COL27A1: variants seen among roughly 807,000 people sequenced by gnomAD.
The protein encoded by COL27A1 is collagen alpha-1(XXVII) chain.
COL27A1 carries 106 observed loss-of-function variants against 251.3 expected under a neutral mutation model. That is an observed-to-expected ratio of 0.42 (90% CI 0.36 to 0.50). The LOEUF is 0.50. Among genes scored for constraint, COL27A1 ranks in the 20% least tolerant of loss-of-function variants. COL27A1 has a pLI of 0.00. For synonymous variants in COL27A1, 1,000 were observed against 986.3 expected (o/e 1.01, Z -0.26); for missense variants, 2,325 against 2,522.8 (o/e 0.92, Z 1.68).
chr9:114,181,647 G>A (rs373005386), intron 4 of COL27A1, among the ~76,000 whole-genome samples: 27 of 152,244 alleles, frequency 1.8e-4, no homozygotes, highest in Middle Eastern at 6.8e-3. Flanking sequence ...AGTATTCCCC[G>A]GCTCTTAGGG....
At chr9:114,205,873 C>T (rs893261837) in intron 9 of COL27A1, 61 bp downstream of exon 9, 3 of 1,486,972 alleles carry the variant, frequency 2.0e-6, no homozygotes, top group African/African-American at 2.8e-5. Flanking sequence ...GCCACAGGTG[C>T]CCCGAGGCAG....
intron 14 of COL27A1, among the ~76,000 whole-genome samples, chr9:114,230,397 GCCA>G (rs1202765724): frequency 1.3e-5 from 2 of 152,130 alleles, no homozygotes; most frequent in East Asian, 3.9e-4. Flanking sequence ...ACAGCACTCA[GCCA>G]GGCTGAGCTG....
intron 3 of COL27A1, among the ~76,000 whole-genome samples, chr9:114,174,923 A>G (rs185115450): frequency 6.9e-6 from 1 of 144,758 alleles, no homozygotes; most frequent in East Asian, 2.1e-4. Context: ...CAGGTTACAG[A>G]CACAGAGTCG....
chr9:114,182,319 T>C (rs1383325716), intron 4 of COL27A1, among the ~76,000 whole-genome samples: 1 of 151,238 alleles, frequency 6.6e-6, no homozygotes. Flanking sequence ...GAGGCTGCAG[T>C]GAGCCATGAT....
In COL27A1 at chr9:114,310,629, C is replaced by T. The variant is rs144613533; in HGVS notation, c.5517C>T (p.Asp1839=). 111 of 1,614,204 alleles carry T rather than the reference C, an allele frequency of 6.9e-5. 2 individuals are homozygous for T. The East Asian group carries it at 2.1e-3, about 31-fold the overall frequency. ...AACAGCTGCCCATCATCAGTGTGGA[C>T]AACCTCCCTCCTGCCTCATCAGGGA... The part of the protein sequence containing the change: ...DPQQLPIISV[D]NLPPASSGKQ... The change falls in exon 61 of 61, where the codon GAC becomes GAT. Residue 1839 remains aspartate (D), a synonymous_variant. Coordinates refer to ENST00000356083, the MANE Select transcript of COL27A1 (RefSeq NM_032888.4).
At chr9:114,243,662 G>C in intron 23 of COL27A1, 102 bp downstream of exon 23, 1 of 987,572 alleles carries the variant, frequency 1.0e-6, no homozygotes, top group Non-Finnish European at 1.5e-6. Flanking sequence ...TGTGAAAAGG[G>C]AGAAAAAAAT....
At chr9:114,227,312 T>G (rs1308498854) in intron 14 of COL27A1, among the ~76,000 whole-genome samples, 1 of 6,342 alleles carries the variant, frequency 1.6e-4, no homozygotes, top group East Asian at 7.0e-4. Flanking sequence ...ACCTTGAGTG[T>G]TTTTTTTTTT....
At chr9:114,230,568 C>T (rs1831873938) in intron 14 of COL27A1, among the ~76,000 whole-genome samples, 1 of 152,154 alleles carries the variant, frequency 6.6e-6, no homozygotes, top group South Asian at 2.1e-4. Context: ...GGTCCACCAT[C>T]AACCCTGGGA....
chr9:114,308,772 A>G (rs573050630), intron 59 of COL27A1, among the ~76,000 whole-genome samples: 197 of 152,340 alleles, frequency 1.3e-3, no homozygotes, highest in African/African-American at 4.5e-3. Flanking sequence ...TGTGTGGGAA[A>G]GTGCTGAAGC....
At chr9:114,266,980 G>A (rs1283606337) in intron 33 of COL27A1, among the ~76,000 whole-genome samples, 2 of 152,102 alleles carry the variant, frequency 1.3e-5, no homozygotes, top group African/African-American at 4.8e-5. Flanking sequence ...AGCCCCCAAG[G>A]GTCATGCAGC....
chr9:114,211,031 A>G lies in COL27A1; in HGVS notation c.2367+5A>G, dbSNP rs1830320663. ...AGGGGCAAGATGGGTATGCCGGTAA[A>G]GATTTTCCGTGTCTATTACGCAGAC... On this transcript the variant is annotated splice_donor_5th_base_variant and intron_variant, in intron 12 of 60. Coordinates refer to ENST00000356083, the MANE Select transcript of COL27A1 (RefSeq NM_032888.4). 10 of 1,614,040 alleles carry G rather than the reference A, an allele frequency of 6.2e-6. No homozygotes were observed. The highest frequency in any genetic ancestry group is 1.3e-5 in the African/African-American group (1 of 74,944).
In COL27A1 at chr9:114,290,106, G is replaced by T; in HGVS notation, c.4255G>T (p.Val1419Phe). The T allele has an allele frequency of 1.2e-6, 2 of 1,611,698 alleles. No homozygotes were observed. The highest frequency in any genetic ancestry group is 1.7e-6 in the Non-Finnish European group (2 of 1,179,936). Residue 1419 changes from valine to phenylalanine, a missense_variant, in exon 46 of 61, where the codon GTC becomes TTC. Val to Phe is a conservative substitution (Grantham distance 50). This residue lies in a region of COL27A1 where 662 missense variants were observed against 795.3 expected (regional missense o/e 0.83). Transcript: ENST00000356083. This position sits in a 1 kb window ranked among gnomAD's most constrained non-coding sequence, Gnocchi z 4.6. ...GKAGAPGRRGVQGLQGLPGPR... is the reference protein window; with the variant it reads ...GKAGAPGRRGFQGLQGLPGPR... ...GGCAGGGGCCCCAGGCCGGAGGGGG[G>T]TCCAGGTGAGTGACTACAGCTGCTG...
At chr9:114,212,500 A>G (rs1166635369) in intron 12 of COL27A1, among the ~76,000 whole-genome samples, 2 of 152,264 alleles carry the variant, frequency 1.3e-5, no homozygotes, top group Non-Finnish European at 2.9e-5. Context: ...GAACAATTAA[A>G]TGAAGGTTAG....
chr9:114,272,058 G>A (rs1472196631), intron 36 of COL27A1: 1 of 152,282 alleles, frequency 6.6e-6, no homozygotes, highest in Non-Finnish European at 1.5e-5. Context: ...CCCTTTGCCA[G>A]TGCCTGCTAC....
intron 14 of COL27A1, among the ~76,000 whole-genome samples, chr9:114,226,438 G>A (rs1269389907): frequency 6.6e-6 from 1 of 152,218 alleles, no homozygotes; most frequent in Non-Finnish European, 1.5e-5. Context: ...AGAGGGTGAA[G>A]CACCTGCCCA....
intron 22 of COL27A1, among the ~76,000 whole-genome samples, chr9:114,242,881 T>G (rs757257411): frequency 6.6e-6 from 1 of 152,354 alleles, no homozygotes; most frequent in Admixed American, 6.5e-5. Flanking sequence ...CTATTTTCCA[T>G]AGCAAAATAA....
chr9:114,175,752 A>G (rs1190881016), intron 3 of COL27A1, among the ~76,000 whole-genome samples: 1 of 152,166 alleles, frequency 6.6e-6, no homozygotes, highest in Non-Finnish European at 1.5e-5. Context: ...CAGCCCCACC[A>G]GGGTCCATGA....
intron 40 of COL27A1, 57 bp from the exon 41 acceptor site, chr9:114,284,667 G>A (rs1379536072): frequency 2.5e-6 from 4 of 1,578,972 alleles, no homozygotes; most frequent in Non-Finnish European, 2.6e-6. Flanking sequence ...TGGAGTCCAT[G>A]TCCTTTGTCC....
At position 114,226,340 on chromosome 9, in the gene COL27A1, C is replaced by T. The variant is rs538604384; in HGVS notation, c.2466+4073C>T. 5.5e-4 allele frequency among the ~76,000 whole-genome samples: 84 copies of T among 152,318 alleles called. No individual in the cohort carries two copies. The South Asian group carries it at 0.014, about 25-fold the overall frequency. ...ATGCACCAAACCCTCTTGTGCCCAA[C>T]GCTGTGCCAAGTTTTTAGTTGTCAC... On this transcript the variant is annotated intron_variant, in intron 14 of 60. Coordinates refer to ENST00000356083, the MANE Select transcript of COL27A1 (RefSeq NM_032888.4).
Sources: gnomAD v4.1 joint callset for allele counts (sites outside exome capture counted in the v4.1 genomes callset) on GRCh38, gnomAD v4.1.1 for gene constraint, gnomAD v4.1.1 regional missense constraint, Gnocchi (gnomAD v3.1) non-coding constraint, MANE v1.5 for transcripts, NCBI Gene and HGNC (gene_info 2026-07-23, HGNC 2026-07-21) for gene names.